The following TTPA variants were observed in gnomAD, a reference collection of about 807,000 sequenced individuals.
TTPA encodes alpha tocopherol transfer protein, also known as alpha-tocopherol transfer protein.
Under a neutral mutation model 25.9 loss-of-function variants are expected in TTPA, and 23 were observed. That is an observed-to-expected ratio of 0.89 (90% CI 0.64 to 1.26). The LOEUF is 1.26. TTPA is among the 50% of genes most tolerant of loss of function. TTPA has a pLI of 0.00. For missense variants in TTPA, 337 were observed against 353.1 expected, an observed-to-expected ratio of 0.95 and a Z score of 0.37; for synonymous variants, 148 against 137.3, an observed-to-expected ratio of 1.08 and a Z score of -0.54.
At chr8:63,074,488 G>C (rs1289549974) in intron 1 of TTPA, among the ~76,000 whole-genome samples, 1 of 152,178 alleles carries the variant, frequency 6.6e-6, no homozygotes. Context: ...AAATGCAAGA[G>C]AGGAGTAAGA....
At chr8:63,082,726 T>A (rs1345825914) in intron 1 of TTPA, among the ~76,000 whole-genome samples, 1 of 151,898 alleles carries the variant, frequency 6.6e-6, no homozygotes, top group South Asian at 2.1e-4. Context: ...TGGGAGAAAA[T>A]TTTTGCAATC....
intron 1 of TTPA, among the ~76,000 whole-genome samples, chr8:63,080,986 A>C (rs112259529): frequency 1.3e-5 from 2 of 151,796 alleles, no homozygotes; most frequent in Non-Finnish European, 2.9e-5. Context: ...CAGGCTCTGA[A>C]ATTGAGGCAA....
chr8:63,061,489 C>T, intron 4 of TTPA, 64 bp from the exon 5 acceptor site: 1 of 1,470,172 alleles, frequency 6.8e-7, no homozygotes, highest in Non-Finnish European at 9.5e-7. Flanking sequence ...GAAAATCAAC[C>T]TCATAAAACA....
chr8:63,067,513 A>T (rs1563361952), intron 2 of TTPA, among the ~76,000 whole-genome samples: 1 of 152,072 alleles, frequency 6.6e-6, no homozygotes, highest in Non-Finnish European at 1.5e-5. Context: ...AAGAAAAAAA[A>T]ATCATAACTA....
chr8:63,077,281 G>T (rs1304612290), intron 1 of TTPA, among the ~76,000 whole-genome samples: 3 of 152,216 alleles, frequency 2.0e-5, no homozygotes, highest in African/African-American at 7.2e-5. Flanking sequence ...TCCAACTGAG[G>T]TACCTGGTTC....
chr8:63,059,888 C>G lies in TTPA; in HGVS notation c.*1364G>C, dbSNP rs1307938091. Reference sequence around the variant, plus strand: ...TATTTTTGAAATAGAGACAGGGTCTCCCTGTATTGCCCAGGCTGGTCTAGA... The same window carrying G: ...TATTTTTGAAATAGAGACAGGGTCTGCCTGTATTGCCCAGGCTGGTCTAGA... On this transcript the variant is annotated 3_prime_UTR_variant, in exon 5 of 5. Coordinates refer to ENST00000260116, the MANE Select transcript of TTPA (RefSeq NM_000370.3). The G allele has an allele frequency of 2.0e-5, 3 of 152,014 alleles. No individual in the cohort carries two copies. The East Asian group carries it at 5.8e-4, about 29-fold the overall frequency. The allele number at this position is 152,014 out of a possible 1,614,324, so 9.4% of individuals were successfully genotyped here.
At chr8:63,061,545 C>T (rs951556334) in intron 4 of TTPA, 120 bp from the exon 5 acceptor site, 1 of 812,522 alleles carries the variant, frequency 1.2e-6, no homozygotes, top group Admixed American at 2.2e-5. Flanking sequence ...ATAGATACCA[C>T]ATCCTTTATT....
chr8:63,085,715 C>T, intron 1 of TTPA, 103 bp downstream of exon 1: 1 of 1,421,248 alleles, frequency 7.0e-7, no homozygotes, highest in South Asian at 1.3e-5. Flanking sequence ...AGGGTCCTGC[C>T]TGCACCCTGG....
Position 63,064,315 on chromosome 8 carries a change from T to C in TTPA, c.554A>G (p.Asp185Gly). Residue 185 changes from aspartate (D) to glycine (G), a missense_variant and splice_region_variant, in exon 4 of 5, where the codon GAT becomes GGT. By Grantham distance (94) the Asp-to-Gly change is moderately conservative (BLOSUM62 -1). Transcript: ENST00000260116. Reference protein sequence around the residue: ...VAKKIAAVLTDSFPLKVRGIH... With the variant: ...VAKKIAAVLTGSFPLKVRGIH... ...GCCACGAACTTTCAATGGAAATGAATCCTTTTGAAAATAAAAAAATCTTAA... is the reference window on the plus strand; with the variant it reads ...GCCACGAACTTTCAATGGAAATGAACCCTTTTGAAAATAAAAAAATCTTAA... 6.2e-7 allele frequency: 1 copy of C among 1,604,380 alleles called. No homozygotes were observed. The highest frequency in any genetic ancestry group is 8.5e-7 in the Non-Finnish European group (1 of 1,172,322).
At chr8:63,066,776 A>G (rs1486771688) in intron 2 of TTPA, among the ~76,000 whole-genome samples, 1 of 152,196 alleles carries the variant, frequency 6.6e-6, no homozygotes, top group African/African-American at 2.4e-5. Flanking sequence ...ACAAGCAGAT[A>G]ATCTTTTTTA....
chr8:63,061,894 C>T (rs1805312401), intron 4 of TTPA, among the ~76,000 whole-genome samples: 1 of 152,104 alleles, frequency 6.6e-6, no homozygotes, highest in African/African-American at 2.4e-5. Context: ...TCGATGGATA[C>T]TGTTAGTTAG....
intron 1 of TTPA, among the ~76,000 whole-genome samples, chr8:63,075,973 T>C (rs1469475981): frequency 4.6e-5 from 7 of 152,316 alleles, no homozygotes; most frequent in Admixed American, 3.9e-4. Flanking sequence ...AAGGAATTCA[T>C]GAGACTATGT....
At chr8:63,083,881 C>A (rs1263443530) in intron 1 of TTPA, among the ~76,000 whole-genome samples, 2 of 148,626 alleles carry the variant, frequency 1.3e-5, no homozygotes, top group Non-Finnish European at 1.5e-5. Context: ...AGTTTTTTTT[C>A]TTTTTTTTCT....
At chr8:63,069,938 A>G (rs893845169) in intron 2 of TTPA, among the ~76,000 whole-genome samples, 15 of 152,156 alleles carry the variant, frequency 9.9e-5, no homozygotes, top group Non-Finnish European at 2.1e-4. Context: ...TATCTACTTA[A>G]TATGTATTGA....
intron 3 of TTPA, 136 bp downstream of exon 3, chr8:63,065,768 G>C: frequency 1.0e-6 from 1 of 975,330 alleles, no homozygotes; most frequent in Non-Finnish European, 1.5e-6. Flanking sequence ...TAGCATTGTT[G>C]AATTCTACAC....
chr8:63,084,164 G>A lies in TTPA; in HGVS notation c.204+1654C>T, dbSNP rs541477332. Among the ~76,000 whole-genome samples, 195 of 152,258 alleles carry A rather than the reference G, an allele frequency of 1.3e-3. 1 individual carries two copies. Among genetic ancestry groups the A allele is most frequent in the African/African-American group, 4.4e-3 (181 of 41,546 alleles). On this transcript the variant is annotated intron_variant, in intron 1 of 4. Transcript: ENST00000260116. ...GCCTCCCAAAGTGCTGGGATTGCAG[G>A]CCTGAGCTACTGCGACCTTTGGAAG... is the stretch of plus-strand genomic sequence containing the variant.
At chr8:63,059,020 G>GTTTTTT (rs35335226), downstream of TTPA, among the ~76,000 whole-genome samples, 98 of 67,196 alleles carry the variant, frequency 1.5e-3, 10 homozygotes, top group African/African-American at 1.8e-3. Flanking sequence ...GCAGGGTCCA[G>GTTTTTT]TTTTTTTTTT....
Position 63,069,291 on chromosome 8 carries a change from T to TA in TTPA, c.359-3195dup, listed in dbSNP as rs36009249. 2.4e-3 allele frequency among the ~76,000 whole-genome samples: 341 copies of TA among 143,200 alleles called. 4 individuals are homozygous for TA. The East Asian group carries it at 0.029, about 12-fold the overall frequency. 93.9% of individuals were successfully genotyped at this position (143,200 alleles called of 152,430 possible). A position where few individuals can be genotyped will look rare whatever the true frequency, so the allele number is the denominator to read the frequency against. ...GACATTGGCTGAATGCTATAATGAT[T>TA]AAAAAAAAAAAAAAGAACATATGAA... On this transcript the variant is annotated intron_variant, in intron 2 of 4. Coordinates refer to ENST00000260116, the MANE Select transcript of TTPA (RefSeq NM_000370.3).
chr8:63,071,998 C>G (rs150030905), intron 2 of TTPA, among the ~76,000 whole-genome samples: 151 of 152,298 alleles, frequency 9.9e-4, no homozygotes, highest in Admixed American at 2.2e-3. Context: ...TGAGAATAAA[C>G]AGGAGTTAAT....
Sources: allele counts gnomAD v4.1 joint callset (sites outside exome capture counted in the v4.1 genomes callset), GRCh38; gene constraint gnomAD v4.1.1; transcripts MANE v1.5; gene names NCBI Gene and HGNC (gene_info 2026-07-23, HGNC 2026-07-21).